Variants in PATJ observed in about 807,000 individuals in gnomAD.
PATJ encodes inaD-like protein.
A neutral mutation model predicts 224.9 loss-of-function variants in PATJ; 190 were observed. The observed-to-expected ratio is 0.84, with a 90% CI of 0.75 to 0.95. The LOEUF is 0.95. PATJ is among the 40% of genes least tolerant of loss of function. The probability of loss-of-function intolerance (pLI) is 0.00; values close to 1 mark genes in which losing one functional copy is unlikely to be tolerated. For synonymous variants in PATJ, 769 were observed against 820.3 expected (o/e 0.94, Z 1.07); for missense variants, 2,121 against 2,270.3 (o/e 0.93, Z 1.34).
intron 27 of PATJ, among the ~76,000 whole-genome samples, chr1:61,945,809 G>T (rs1678607697): frequency 6.6e-6 from 1 of 152,164 alleles, no homozygotes; most frequent in Non-Finnish European, 1.5e-5. Flanking sequence ...TGACCACATA[G>T]TTGAAAGTAA....
At chr1:62,097,320 AG>A (rs1661511299) in intron 33 of PATJ, among the ~76,000 whole-genome samples, 1 of 152,118 alleles carries the variant, frequency 6.6e-6, no homozygotes, top group Non-Finnish European at 1.5e-5. Context: ...TTTTAAAAAA[AG>A]GAAAAAAAAA....
chr1:61,808,097 G>A (rs903895414), intron 13 of PATJ, among the ~76,000 whole-genome samples: 1 of 152,086 alleles, frequency 6.6e-6, no homozygotes, highest in Admixed American at 6.6e-5. Context: ...TTTGAGGCTT[G>A]GGTTTGAAAG....
intron 21 of PATJ, among the ~76,000 whole-genome samples, chr1:61,880,421 C>A (rs191700530): frequency 1.2e-3 from 180 of 152,324 alleles, no homozygotes; most frequent in African/African-American, 4.0e-3. Context: ...TCAGCTTCTT[C>A]CCCCATTAGC....
chr1:62,139,257 C>T (rs186552857), intron 41 of PATJ, among the ~76,000 whole-genome samples: 5 of 151,952 alleles, frequency 3.3e-5, no homozygotes, highest in South Asian at 2.1e-4. Context: ...AAAAAATAGC[C>T]GGGCGTGGTG....
At chr1:62,098,594 C>CAAA (rs111316760) in intron 33 of PATJ, among the ~76,000 whole-genome samples, 1 of 139,026 alleles carries the variant, frequency 7.2e-6, no homozygotes, top group Non-Finnish European at 1.6e-5. Context: ...GACCGTGTCT[C>CAAA]AAAAAAAAAA....
intron 28 of PATJ, among the ~76,000 whole-genome samples, chr1:62,004,951 G>A (rs1034008644): frequency 6.6e-6 from 1 of 152,058 alleles, no homozygotes; most frequent in African/African-American, 2.4e-5. Context: ...TGCATGCAGT[G>A]TTTTCTTTCT....
chr1:62,142,502 C>T (rs561735596), intron 41 of PATJ, among the ~76,000 whole-genome samples: 1 of 152,178 alleles, frequency 6.6e-6, no homozygotes, highest in Non-Finnish European at 1.5e-5. Flanking sequence ...GTTTTAGATT[C>T]GCTCATTCAC....
chr1:62,127,423 T>A (rs1315528092), intron 39 of PATJ, among the ~76,000 whole-genome samples: 1 of 151,848 alleles, frequency 6.6e-6, no homozygotes, highest in African/African-American at 2.4e-5. Context: ...AGGAATTTTT[T>A]TTTTTTTTTG....
chr1:61,908,899 G>A (rs1330478279), intron 25 of PATJ, among the ~76,000 whole-genome samples: 9 of 152,294 alleles, frequency 5.9e-5, no homozygotes, highest in Middle Eastern at 3.4e-3. Context: ...AAATAAAAAC[G>A]TGTTGACATG....
intron 21 of PATJ, 67 bp from the exon 22 acceptor site, chr1:61,884,170 A>T: frequency 8.1e-7 from 1 of 1,237,108 alleles, no homozygotes; most frequent in Non-Finnish European, 1.1e-6. Flanking sequence ...GCCCATACCT[A>T]GTTGTTGAAT....
At chr1:61,788,057 AC>A in intron 8 of PATJ, 85 bp downstream of exon 8, 2 of 1,096,062 alleles carry the variant, frequency 1.8e-6, no homozygotes, top group Non-Finnish European at 1.3e-6. Flanking sequence ...AACTTGAAGC[AC>A]CACATTGGTG....
In PATJ at chr1:61,829,640, A is replaced by G. The variant is rs140488118; in HGVS notation, c.1980+2057A>G. ...GATATATTTCAGGTTGCAGTATAAT[A>G]TCTTATGTACCTTGAATGCCTTGAA... On this transcript the variant is annotated intron_variant, in intron 16 of 43. Coordinates refer to ENST00000642238, the MANE Select transcript of PATJ (RefSeq NM_001350145.3). Among the ~76,000 whole-genome samples, 6 of 152,348 alleles carry G rather than the reference A, an allele frequency of 3.9e-5. No individual in the cohort carries two copies. In the East Asian group the frequency reaches 1.2e-3, roughly 29 times the overall value.
At chr1:61,972,834 G>A (rs1174960878) in intron 27 of PATJ, among the ~76,000 whole-genome samples, 6 of 151,246 alleles carry the variant, frequency 4.0e-5, no homozygotes, top group Non-Finnish European at 8.8e-5. Context: ...GGCTTCAGGG[G>A]AATTTGCAAA....
At chr1:61,814,547 T>TGTGTGTGTGCGC (rs370488022) in intron 14 of PATJ, among the ~76,000 whole-genome samples, 87 of 142,572 alleles carry the variant, frequency 6.1e-4, no homozygotes, top group African/African-American at 2.2e-3. Context: ...TGTGTGTGTG[T>TGTGTGTGTGCGC]GCGCGCGCGC....
rs188241910 is a variant in PATJ, at chr1:62,003,840, G to T, written c.3867+13476G>T. On this transcript the variant is annotated intron_variant, in intron 28 of 43. Transcript: ENST00000642238. ...GGGCATCTTCTTCATGGGGGCCAGT[G>T]CCCAAGATTTTTGGAAAGAAGAAAC... 1.5e-3 allele frequency among the ~76,000 whole-genome samples: 221 copies of T among 152,290 alleles called. 1 individual carries two copies. The highest frequency in any genetic ancestry group is 4.3e-3 in the Admixed American group (65 of 15,288).
At chr1:61,967,673 T>G (rs1682370824) in intron 27 of PATJ, among the ~76,000 whole-genome samples, 1 of 152,220 alleles carries the variant, frequency 6.6e-6, no homozygotes, top group African/African-American at 2.4e-5. Context: ...GATGATTTAT[T>G]TAAAGGTAAC....
At position 61,771,635 on chromosome 1, in the gene PATJ, C is replaced by A; in HGVS notation, c.720+9C>A. On this transcript the variant is annotated intron_variant, in intron 6 of 43. Transcript: ENST00000642238. ...CAACTCTGCCTGAAACAGTGAGTTG[C>A]AAATTTGAAAAAATACTTAATTTTG... 1 of 1,543,964 alleles carries A rather than the reference C, an allele frequency of 6.5e-7. No homozygotes were observed. The highest frequency in any genetic ancestry group is 1.2e-5 in the South Asian group (1 of 81,112).
At chr1:62,080,297 G>C (rs924978423) in intron 32 of PATJ, among the ~76,000 whole-genome samples, 4 of 151,934 alleles carry the variant, frequency 2.6e-5, no homozygotes, top group Non-Finnish European at 5.9e-5. Flanking sequence ...GTTGAAAATA[G>C]AACTTTATAA....
intron 21 of PATJ, among the ~76,000 whole-genome samples, chr1:61,877,248 C>T (rs1667457274): frequency 1.1e-5 from 1 of 89,204 alleles, no homozygotes; most frequent in African/African-American, 4.1e-5. Flanking sequence ...AACAGCATAT[C>T]AGTTCATTAC....
Sources: gnomAD v4.1 joint callset for allele counts (sites outside exome capture counted in the v4.1 genomes callset) on GRCh38, gnomAD v4.1.1 for gene constraint, MANE v1.5 for transcripts, NCBI Gene and HGNC (gene_info 2026-07-23, HGNC 2026-07-21) for gene names.